ADIPOR1: variants seen among roughly 807,000 people sequenced by gnomAD.
ADIPOR1 encodes adiponectin receptor protein 1.
In ADIPOR1, 15 loss-of-function variants were observed where a neutral mutation model predicts 37.5. That is an observed-to-expected ratio of 0.40 (90% CI 0.27 to 0.62). ADIPOR1 has a LOEUF of 0.62. ADIPOR1 is among the 20% of genes least tolerant of loss of function. The probability of loss-of-function intolerance (pLI) is 0.42; values close to 1 mark genes in which losing one functional copy is unlikely to be tolerated. For synonymous variants in ADIPOR1, 173 were observed against 173.2 expected, an observed-to-expected ratio of 1.00 and a Z score of 0.01; for missense variants, 286 against 478.0, an observed-to-expected ratio of 0.60 and a Z score of 3.75.
intron 2 of ADIPOR1, among the ~76,000 whole-genome samples, chr1:202,949,535 C>T (rs963327823): frequency 1.4e-5 from 2 of 141,678 alleles, no homozygotes; most frequent in East Asian, 2.2e-4. Context: ...GAGCCGAGAA[C>T]GTGCCACTGC....
At chr1:202,953,240 A>C (rs1226752080) in intron 1 of ADIPOR1, among the ~76,000 whole-genome samples, 29 of 6,694 alleles carry the variant, frequency 4.3e-3, no homozygotes, top group Admixed American at 0.031. Flanking sequence ...ATCGCAAGCA[A>C]AAAAAAAAAA....
At chr1:202,955,110 T>C (rs1231983733) in intron 1 of ADIPOR1, among the ~76,000 whole-genome samples, 2 of 152,222 alleles carry the variant, frequency 1.3e-5, no homozygotes, top group African/African-American at 4.8e-5. Context: ...AGGCACATGT[T>C]TGAAATCACC....
At position 202,951,133 on chromosome 1, in the gene ADIPOR1, A is replaced by C; in HGVS notation, c.-63T>G. The stretch of plus-strand genomic sequence containing the variant: ...GGAAAGGTTGGGGTCTCTCAGCCCC[A>C]GGGGGCAGAGATCTCCCTCTGATGG... On this transcript the variant is annotated 5_prime_UTR_variant, in exon 2 of 8. Coordinates refer to ENST00000340990, the MANE Select transcript of ADIPOR1 (RefSeq NM_015999.6). 6.3e-7 allele frequency: 1 copy of C among 1,594,148 alleles called. No individual in the cohort carries two copies. The highest frequency in any genetic ancestry group is 8.6e-7 in the Non-Finnish European group (1 of 1,164,122).
chr1:202,952,176 C>A (rs1654603392), intron 1 of ADIPOR1, among the ~76,000 whole-genome samples: 1 of 152,188 alleles, frequency 6.6e-6, no homozygotes. Context: ...TCTCTCCCCA[C>A]CTCTACCCCC....
Position 202,946,577 on chromosome 1 carries a change from C to G in ADIPOR1, c.292G>C (p.Asp98His). The change falls in exon 4 of 8, where the codon GAT becomes CAT. Residue 98 changes from aspartate (D) to histidine (H), a missense_variant. Coordinates refer to ENST00000340990, the MANE Select transcript of ADIPOR1 (RefSeq NM_015999.6). ...TCCTTTAGCCAGTCAGGGAGCACAT[C>G]ATATGGGATGACCCTCCAACGTCCC... ...WEGRWRVIPYDVLPDWLKDND... is the reference protein window; with the variant it reads ...WEGRWRVIPYHVLPDWLKDND... The G allele has an allele frequency of 1.2e-6, 2 of 1,614,014 alleles. No homozygotes were observed. The highest frequency in any genetic ancestry group is 8.5e-7 in the Non-Finnish European group (1 of 1,180,014).
intron 1 of ADIPOR1, among the ~76,000 whole-genome samples, chr1:202,953,935 A>G (rs1410332578): frequency 6.6e-6 from 1 of 152,240 alleles, no homozygotes; most frequent in Non-Finnish European, 1.5e-5. Context: ...AAGTTGGGCA[A>G]TTAGGGTCCA....
In ADIPOR1 at chr1:202,941,606, T is replaced by G. The variant is rs1280260527; in HGVS notation, c.1095A>C (p.Leu365=). The G allele has an allele frequency of 6.2e-7, 1 of 1,614,178 alleles. No homozygotes were observed. Among genetic ancestry groups the G allele is most frequent in the Admixed American group, 1.7e-5 (1 of 60,018 alleles). ...VSNLQEFRYG[L]EGGCTDDTLL ...GGGTGTCATCAGTACAGCCGCCTTCTAGGCCGTAACGGAATTCCTGAAGGT... is the reference window on the plus strand; with the variant it reads ...GGGTGTCATCAGTACAGCCGCCTTCGAGGCCGTAACGGAATTCCTGAAGGT... Residue 365 remains leucine, a synonymous_variant, in exon 8 of 8, where the codon CTA becomes CTC. Transcript: ENST00000340990.
Position 202,945,042 on chromosome 1 carries a change from G to A in ADIPOR1, c.558C>T (p.Phe186=), listed in dbSNP as rs747267663. 2.5e-6 allele frequency: 4 copies of A among 1,614,108 alleles called. No individual in the cohort carries two copies. The highest frequency in any genetic ancestry group is 3.4e-6 in the Non-Finnish European group (4 of 1,180,006). The change falls in exon 5 of 8, where the codon TTC becomes TTT. Residue 186 remains phenylalanine (F), a synonymous_variant. Coordinates refer to ENST00000340990, the MANE Select transcript of ADIPOR1 (RefSeq NM_015999.6). Reference sequence around the variant, plus strand: ...AATAGACGGTGTGAAAGAGCCAGGAGAAGCTGAGGCAGAGCACTGCACCCA... The same window carrying A: ...AATAGACGGTGTGAAAGAGCCAGGAAAAGCTGAGGCAGAGCACTGCACCCA... ...FFLGAVLCLS[F]SWLFHTVYCH...
At position 202,941,499 on chromosome 1, in the gene ADIPOR1, C is replaced by A; in HGVS notation, c.*74G>T. ...CTAGAAACAGACAACTCAGACTCTT[C>A]CTCTCACTTCAGCAAAGAAGTTATT... On this transcript the variant is annotated 3_prime_UTR_variant, in exon 8 of 8. Transcript: ENST00000340990. The A allele has an allele frequency of 6.6e-7, 1 of 1,526,508 alleles. No individual in the cohort carries two copies. The highest frequency in any genetic ancestry group is 8.8e-7 in the Non-Finnish European group (1 of 1,137,322). The allele number at this position is 1,526,508 out of a possible 1,614,324, so 94.6% of individuals were successfully genotyped here. A position where few individuals can be genotyped will look rare whatever the true frequency, so the allele number is the denominator to read the frequency against.
intron 4 of ADIPOR1, among the ~76,000 whole-genome samples, chr1:202,945,972 C>A (rs1654294707): frequency 6.7e-6 from 1 of 149,236 alleles, no homozygotes; most frequent in Non-Finnish European, 1.5e-5. Flanking sequence ...GTATATAATT[C>A]ATCCATGTAA....
chr1:202,946,508 A>G lies in ADIPOR1; in HGVS notation c.361T>C (p.Phe121Leu). 3.7e-6 allele frequency: 6 copies of G among 1,614,134 alleles called. No individual in the cohort carries two copies. Among genetic ancestry groups the G allele is most frequent in the Non-Finnish European group, 5.1e-6 (6 of 1,180,038 alleles). Residue 121 changes from phenylalanine (F) to leucine (L), a missense_variant, in exon 4 of 8, where the codon TTT becomes CTT. By Grantham distance (22) the Phe-to-Leu change is conservative. Coordinates refer to ENST00000340990, the MANE Select transcript of ADIPOR1 (RefSeq NM_015999.6). ...LHGHRPPMPSFRACFKSIFRI... is the reference protein window; with the variant it reads ...LHGHRPPMPSLRACFKSIFRI... The stretch of plus-strand genomic sequence containing the variant: ...AAGATGCTCTTGAAGCAAGCCCGAA[A>G]GGAGGGCATGGGAGGTCTATGACCA...
Position 202,941,455 on chromosome 1 carries a change from A to G in ADIPOR1, c.*118T>C. On this transcript the variant is annotated 3_prime_UTR_variant, in exon 8 of 8. Transcript: ENST00000340990. The stretch of plus-strand genomic sequence containing the variant: ...TGGGCTGAAGCTTGGTTGGTACTGA[A>G]TTCTCTAAGAGGTTTCTTCTAGAAA... 7.5e-7 allele frequency: 1 copy of G among 1,328,276 alleles called. No homozygotes were observed. The highest frequency in any genetic ancestry group is 2.5e-5 in the Admixed American group (1 of 39,324). 82.3% of individuals were successfully genotyped at this position (1,328,276 alleles called of 1,614,324 possible).
intron 5 of ADIPOR1, 29 bp downstream of exon 5, chr1:202,944,954 T>A: frequency 6.3e-7 from 1 of 1,590,954 alleles, no homozygotes; most frequent in Non-Finnish European, 8.6e-7. Context: ...CAGTGCACAG[T>A]ATTTTCCTAT....
In ADIPOR1 at chr1:202,941,444, G is replaced by T; in HGVS notation, c.*129C>A. The T allele has an allele frequency of 8.4e-7, 1 of 1,193,074 alleles. No homozygotes were observed. The highest frequency in any genetic ancestry group is 1.1e-6 in the Non-Finnish European group (1 of 873,126). 73.9% of individuals were successfully genotyped at this position (1,193,074 alleles called of 1,614,324 possible). ...GGGTGTGAAAGTGGGCTGAAGCTTG[G>T]TTGGTACTGAATTCTCTAAGAGGTT... is the stretch of plus-strand genomic sequence containing the variant. On this transcript the variant is annotated 3_prime_UTR_variant, in exon 8 of 8. Transcript: ENST00000340990.
chr1:202,949,579 C>CAAA lies in ADIPOR1; in HGVS notation c.142-1162_142-1160dup, dbSNP rs57643319. Among the ~76,000 whole-genome samples the CAAA allele has an allele frequency of 2.4e-3, 242 of 99,016 alleles. 2 individuals are homozygous for CAAA. Among genetic ancestry groups the CAAA allele is most frequent in the Middle Eastern group, 9.7e-3 (2 of 206 alleles). 65.0% of individuals were successfully genotyped at this position (99,016 alleles called of 152,430 possible). On this transcript the variant is annotated intron_variant, in intron 2 of 7. Transcript: ENST00000340990. ...CAGGGCGACAGCGAGACTCTGTCTC[C>CAAA]AAAAAAAAAAAAAAAAAACACACCC...
At chr1:202,946,200 A>C (rs1318130472) in intron 4 of ADIPOR1, among the ~76,000 whole-genome samples, 1 of 152,164 alleles carries the variant, frequency 6.6e-6, no homozygotes, top group Non-Finnish European at 1.5e-5. Flanking sequence ...CACCTAGAAC[A>C]GTTCTGCCAG....
At chr1:202,958,036 G>A (rs1654852842) in intron 1 of ADIPOR1, 149 bp downstream of exon 1, 1 of 152,316 alleles carries the variant, frequency 6.6e-6, no homozygotes. Context: ...CTGGAGGCCA[G>A]GCGGCTCCTT....
chr1:202,944,169 A>C (rs922357693), intron 5 of ADIPOR1: 2 of 468,602 alleles, frequency 4.3e-6, no homozygotes, highest in Non-Finnish European at 3.8e-6. Flanking sequence ...CCATTCAAAG[A>C]ACTCTATCCC....
chr1:202,950,787 A>G (rs1654544090), intron 2 of ADIPOR1, 143 bp downstream of exon 2: 2 of 1,156,908 alleles, frequency 1.7e-6, no homozygotes, highest in South Asian at 1.5e-5. Context: ...GATGTTTATA[A>G]CAGTATCATA....
Sources: gnomAD v4.1 joint callset for allele counts (sites outside exome capture counted in the v4.1 genomes callset) on GRCh38, gnomAD v4.1.1 for gene constraint, MANE v1.5 for transcripts, NCBI Gene and HGNC (gene_info 2026-07-23, HGNC 2026-07-21) for gene names.